GPR20: variants seen among roughly 807,000 people sequenced by gnomAD.
GPR20 encodes G protein-coupled receptor 20.
For synonymous variants in GPR20, 241 were observed against 241.9 expected (o/e 1.00, Z 0.04); for missense variants, 494 against 527.4 (o/e 0.94, Z 0.62).
In GPR20 at chr8:141,357,214, A is replaced by G; in HGVS notation, c.710T>C (p.Val237Ala). The change falls in exon 2 of 2, where the codon GTG becomes GCG. Residue 237 changes from valine to alanine, a missense_variant. Coordinates refer to ENST00000377741, the MANE Select transcript of GPR20 (RefSeq NM_005293.3). ...CGTGAGCAGGAGCTGCATGGCCCGC[A>G]CGCGGCGCTGGCGACCCTGGTGGAG... ...GLLHQGRQRR[V>A]RAMQLLLTVL... is the part of the protein sequence containing the mutation. The G allele has an allele frequency of 2.5e-6, 4 of 1,568,792 alleles. No individual in the cohort carries two copies. The highest frequency in any genetic ancestry group is 3.4e-6 in the Non-Finnish European group (4 of 1,160,468).
intron 1 of GPR20, among the ~76,000 whole-genome samples, chr8:141,363,717 C>T (rs1831773269): frequency 6.6e-6 from 1 of 152,250 alleles, no homozygotes; most frequent in Non-Finnish European, 1.5e-5. Context: ...TATGTCCTCT[C>T]TTCCCTGGGC....
rs117190245 is a variant in GPR20, at chr8:141,365,119, G to A, written c.-25+2082C>T. Reference sequence around the variant, plus strand: ...CCCTGTGCCACCTGGTGAAGGCTCCGGGCACCCACAGTCATTGTTCCACAG... The same window carrying A: ...CCCTGTGCCACCTGGTGAAGGCTCCAGGCACCCACAGTCATTGTTCCACAG... On this transcript the variant is annotated intron_variant, in intron 1 of 1. Coordinates refer to ENST00000377741, the MANE Select transcript of GPR20 (RefSeq NM_005293.3). Among the ~76,000 whole-genome samples, 1,016 of 152,248 alleles carry A rather than the reference G, an allele frequency of 6.7e-3. 2 individuals carry two copies. Among genetic ancestry groups the A allele is most frequent in the Non-Finnish European group, 0.01 (690 of 67,992 alleles).
chr8:141,360,099 G>A (rs1261732697), intron 1 of GPR20, among the ~76,000 whole-genome samples: 3 of 152,154 alleles, frequency 2.0e-5, no homozygotes, highest in Non-Finnish European at 4.4e-5. Flanking sequence ...TGCGGTGCTG[G>A]GGTCCTGGCT....
chr8:141,362,240 C>G (rs1831745014), intron 1 of GPR20, among the ~76,000 whole-genome samples: 1 of 152,220 alleles, frequency 6.6e-6, no homozygotes, highest in Non-Finnish European at 1.5e-5. Context: ...TCCCCCTGGA[C>G]TTGCCTCCTT....
rs1378039239 is a variant in GPR20 at position 141,357,857 on chromosome 8, C to A, written c.67G>T (p.Val23Leu). The A allele has an allele frequency of 6.2e-6, 10 of 1,611,356 alleles. No homozygotes were observed. Among genetic ancestry groups the A allele is most frequent in the Non-Finnish European group, 8.5e-6 (10 of 1,178,834 alleles). Residue 23 changes from valine to leucine, a missense_variant, in exon 2 of 2, where the codon GTG becomes TTG. By Grantham distance (32) the Val-to-Leu change is conservative. Coordinates refer to ENST00000377741, the MANE Select transcript of GPR20 (RefSeq NM_005293.3). ...AVPNATAVTT[V>L]RTNASGLEVP... is the part of the protein sequence containing the mutation. ...TCCAGCCCGCTGGCATTGGTCCGCA[C>A]TGTTGTCACTGCGGTGGCATTGGGG...
At position 141,357,728 on chromosome 8, in the gene GPR20, C is replaced by T. The variant is rs201753029; in HGVS notation, c.196G>A (p.Ala66Thr). The T allele has an allele frequency of 9.9e-6, 16 of 1,613,248 alleles. No homozygotes were observed. Among genetic ancestry groups the T allele is most frequent in the Admixed American group, 3.3e-5 (2 of 60,012 alleles). Residue 66 changes from alanine (A) to threonine (T), a missense_variant, in exon 2 of 2, where the codon GCA becomes ACA. Ala to Thr is a moderately conservative substitution (Grantham distance 58, BLOSUM62 0). Coordinates refer to ENST00000377741, the MANE Select transcript of GPR20 (RefSeq NM_005293.3). ...LMAVHGAIFLAGLVLNGLALY... is the reference protein window; with the variant it reads ...LMAVHGAIFLTGLVLNGLALY... ...GCCAGCCCGTTGAGCACCAGCCCTG[C>T]CAGGAAGATGGCTCCGTGCACCGCC...
intron 1 of GPR20, among the ~76,000 whole-genome samples, chr8:141,366,704 C>T (rs1831818746): frequency 6.6e-6 from 1 of 152,058 alleles, no homozygotes; most frequent in Admixed American, 6.5e-5. Flanking sequence ...ACAAAGCCCT[C>T]ACCATGGCCC....
chr8:141,356,730 G>T lies in GPR20; in HGVS notation c.*117C>A. The T allele has an allele frequency of 1.5e-6, 1 of 681,348 alleles. No individual in the cohort carries two copies. Among genetic ancestry groups the T allele is most frequent in the Non-Finnish European group, 2.5e-6 (1 of 405,532 alleles). 42.2% of individuals were successfully genotyped at this position (681,348 alleles called of 1,614,324 possible). A position where few individuals can be genotyped will look rare whatever the true frequency, so the allele number is the denominator to read the frequency against. ...CCTTAGACGCTCAATGCGGTGCTCT[G>T]GGTAGCCATCACCAATCAATCGAGA... On this transcript the variant is annotated 3_prime_UTR_variant, in exon 2 of 2. Transcript: ENST00000377741.
intron 1 of GPR20, among the ~76,000 whole-genome samples, chr8:141,359,580 A>C (rs2097446056): frequency 6.6e-6 from 1 of 152,182 alleles, no homozygotes; most frequent in Admixed American, 6.5e-5. Context: ...ACTGCAAGCA[A>C]GCTCTCTATC....
chr8:141,366,257 C>T (rs1350483680), intron 1 of GPR20, among the ~76,000 whole-genome samples: 4 of 152,196 alleles, frequency 2.6e-5, no homozygotes, highest in South Asian at 2.1e-4. Flanking sequence ...CTCAGCAGAC[C>T]GCCCTGGAGC....
intron 1 of GPR20, among the ~76,000 whole-genome samples, chr8:141,366,823 C>T (rs1017740556): frequency 1.3e-5 from 2 of 152,214 alleles, no homozygotes; most frequent in African/African-American, 2.4e-5. Context: ...TGCTGCCTTG[C>T]CAGGTGGGGA....
chr8:141,356,842 GCTGA>G lies in GPR20; in HGVS notation c.*1_*4del, dbSNP rs1424029885. On this transcript the variant is annotated 3_prime_UTR_variant, in exon 2 of 2. Coordinates refer to ENST00000377741, the MANE Select transcript of GPR20 (RefSeq NM_005293.3). ...GACCTTCGGCCCCTGGCAGAGCCCTGCTGACTAAGCCTCGGGCCCATTAGCCAGG... is the reference window on the plus strand; with the variant it reads ...GACCTTCGGCCCCTGGCAGAGCCCTGCTAAGCCTCGGGCCCATTAGCCAGG... The G allele has an allele frequency of 7.6e-6, 12 of 1,575,172 alleles. No homozygotes were observed. Among genetic ancestry groups the G allele is most frequent in the Non-Finnish European group, 8.7e-6 (10 of 1,154,658 alleles).
chr8:141,360,480 G>A (rs569913947), intron 1 of GPR20, among the ~76,000 whole-genome samples: 48 of 152,262 alleles, frequency 3.2e-4, no homozygotes, highest in African/African-American at 6.3e-4. Context: ...TCCCAGCTTC[G>A]TCTGGCTGTC....
rs1461690448 is a variant in GPR20 at position 141,357,462 on chromosome 8, C to T, written c.462G>A (p.Arg154=). Residue 154 remains arginine (R), a synonymous_variant, in exon 2 of 2, where the codon CGG becomes CGA. Coordinates refer to ENST00000377741, the MANE Select transcript of GPR20 (RefSeq NM_005293.3). The part of the protein sequence containing the change: ...ICVDRYLAIV[R]PEGSRRCRQP... ...GGCGGCAGCGGCGGGAGCCTTCGGG[C>T]CGCACGATGGCCAGGTAGCGGTCCA... 2 of 1,610,332 alleles carry T rather than the reference C, an allele frequency of 1.2e-6. No individual in the cohort carries two copies. Among genetic ancestry groups the T allele is most frequent in the Admixed American group, 3.3e-5 (2 of 59,800 alleles).
chr8:141,358,771 CG>C (rs926387014), intron 1 of GPR20, among the ~76,000 whole-genome samples: 1 of 152,234 alleles, frequency 6.6e-6, no homozygotes, highest in Non-Finnish European at 1.5e-5. Flanking sequence ...CCCTGAGAGG[CG>C]GGCACCCCTA....
intron 1 of GPR20, among the ~76,000 whole-genome samples, chr8:141,358,914 G>C (rs534053693): frequency 6.0e-5 from 9 of 150,650 alleles, no homozygotes; most frequent in African/African-American, 1.5e-4. Context: ...GGGCCAGGGT[G>C]GGGGGCGGGC....
In GPR20 at chr8:141,357,218, G is replaced by A. The variant is rs914222660; in HGVS notation, c.706C>T (p.Arg236Cys). Residue 236 changes from arginine (R) to cysteine (C), a missense_variant, in exon 2 of 2, where the codon CGC becomes TGC. Coordinates refer to ENST00000377741, the MANE Select transcript of GPR20 (RefSeq NM_005293.3). ...AGCAGGAGCTGCATGGCCCGCACGC[G>A]GCGCTGGCGACCCTGGTGGAGCAGA... is the stretch of plus-strand genomic sequence containing the variant. Reference protein sequence around the residue: ...PGLLHQGRQRRVRAMQLLLTV... With the variant: ...PGLLHQGRQRCVRAMQLLLTV... 2.6e-6 allele frequency: 4 copies of A among 1,564,104 alleles called. No homozygotes were observed. Among genetic ancestry groups the A allele is most frequent in the Admixed American group, 1.9e-5 (1 of 52,868 alleles).
At chr8:141,359,207 G>A (rs1831697714) in intron 1 of GPR20, among the ~76,000 whole-genome samples, 2 of 151,982 alleles carry the variant, frequency 1.3e-5, no homozygotes, top group Non-Finnish European at 2.9e-5. Context: ...CCTCCTGGTG[G>A]CCCCTGCTGT....
At chr8:141,359,048 G>A (rs992256667) in intron 1 of GPR20, among the ~76,000 whole-genome samples, 53 of 152,192 alleles carry the variant, frequency 3.5e-4, no homozygotes, top group African/African-American at 1.3e-3. Flanking sequence ...CCTACAGCTG[G>A]GCTGACCCTC....
Sources: allele counts gnomAD v4.1 joint callset (sites outside exome capture counted in the v4.1 genomes callset), GRCh38; gene constraint gnomAD v4.1.1; transcripts MANE v1.5; gene names NCBI Gene and HGNC (gene_info 2026-07-23, HGNC 2026-07-21).